Variants in SOS1 observed in about 807,000 individuals in gnomAD.
SOS1 encodes SOS Ras/Rac guanine nucleotide exchange factor 1.
Under a neutral mutation model 157.6 loss-of-function variants are expected in SOS1, and 25 were observed. The ratio of observed to expected loss-of-function variants is 0.16; its 90% CI spans 0.12 to 0.22. The LOEUF is 0.22. Ranked by LOEUF, SOS1 falls within the 10% of genes least tolerant of loss-of-function variation. The pLI, the probability that SOS1 is intolerant of heterozygous loss-of-function variation, is 1.00. For synonymous variants in SOS1, 528 were observed against 534.0 expected (o/e 0.99, Z 0.16); for missense variants, 1,237 against 1,599.1 (o/e 0.77, Z 3.86).
chr2:39,049,005 C>T (rs758454221), intron 6 of SOS1, among the ~76,000 whole-genome samples: 1 of 152,096 alleles, frequency 6.6e-6, no homozygotes, highest in Non-Finnish European at 1.5e-5. Context: ...GCAGTCTCCA[C>T]CTCCTGGGTT....
At chr2:39,087,109 T>C (rs1672404735) in intron 1 of SOS1, among the ~76,000 whole-genome samples, 1 of 152,190 alleles carries the variant, frequency 6.6e-6, no homozygotes, top group Non-Finnish European at 1.5e-5. Flanking sequence ...CCACTGCATC[T>C]GGTGACAGTT....
At chr2:39,071,420 C>T (rs990997857) in intron 1 of SOS1, among the ~76,000 whole-genome samples, 6 of 152,114 alleles carry the variant, frequency 3.9e-5, no homozygotes, top group Non-Finnish European at 5.9e-5. Context: ...AAACATCTAT[C>T]TCATGTCATA....
chr2:39,117,702 T>A (rs1260403236), intron 1 of SOS1, among the ~76,000 whole-genome samples: 2 of 152,164 alleles, frequency 1.3e-5, no homozygotes, highest in African/African-American at 4.8e-5. Flanking sequence ...TGGGGGCCAG[T>A]GAACCCCATT....
At chr2:38,991,313 T>G (rs559853902) in intron 20 of SOS1, among the ~76,000 whole-genome samples, 1 of 152,312 alleles carries the variant, frequency 6.6e-6, no homozygotes, top group Non-Finnish European at 1.5e-5. Context: ...ACTCATCACC[T>G]ACAGCAATCT....
intron 6 of SOS1, among the ~76,000 whole-genome samples, chr2:39,047,625 C>T (rs1040914743): frequency 1.3e-5 from 2 of 152,100 alleles, no homozygotes; most frequent in African/African-American, 4.8e-5. Context: ...CAAAAAAACC[C>T]TGAAGTTTTA....
chr2:39,116,748 G>C (rs1572904276), intron 1 of SOS1, among the ~76,000 whole-genome samples: 3 of 152,108 alleles, frequency 2.0e-5, no homozygotes, highest in Non-Finnish European at 4.4e-5. Flanking sequence ...AGTCTCAGGA[G>C]GCTGAGGTGG....
At chr2:39,029,707 C>T (rs1670091160) in intron 8 of SOS1, among the ~76,000 whole-genome samples, 1 of 152,134 alleles carries the variant, frequency 6.6e-6, no homozygotes, top group Non-Finnish European at 1.5e-5. Context: ...CAATAGTTAG[C>T]TGTTTGTTTA....
chr2:39,124,495 G>A (rs1442369250), upstream of SOS1: 1 of 152,322 alleles, frequency 6.6e-6, no homozygotes, highest in Non-Finnish European at 1.5e-5. Flanking sequence ...AGGGCGGCGA[G>A]GACGGGGGCG....
Position 39,012,355 on chromosome 2 carries a change from T to A in SOS1, c.2168-7A>T. Reference sequence around the variant, plus strand: ...CATTTTTTCATTGCTTTACCTGCAATACATTATATTTTAAATAACATTTAA... The same window carrying A: ...CATTTTTTCATTGCTTTACCTGCAAAACATTATATTTTAAATAACATTTAA... On this transcript the variant is annotated splice_polypyrimidine_tract_variant and splice_region_variant and intron_variant, in intron 13 of 22. Transcript: ENST00000402219. The A allele has an allele frequency of 1.5e-6, 2 of 1,354,782 alleles. No individual in the cohort carries two copies. The highest frequency in any genetic ancestry group is 2.1e-6 in the Non-Finnish European group (2 of 957,572). The allele number at this position is 1,354,782 out of a possible 1,614,324, so 83.9% of individuals were successfully genotyped here. A position where few individuals can be genotyped will look rare whatever the true frequency, so the allele number is the denominator to read the frequency against.
In SOS1 at chr2:39,006,536, G is replaced by A. The variant is rs1015610936; in HGVS notation, c.2674-7C>T. The A allele has an allele frequency of 1.4e-6, 2 of 1,438,046 alleles. No homozygotes were observed. Among genetic ancestry groups the A allele is most frequent in the Middle Eastern group, 1.8e-4 (1 of 5,684 alleles). The allele number at this position is 1,438,046 out of a possible 1,614,324, so 89.1% of individuals were successfully genotyped here. A position where few individuals can be genotyped will look rare whatever the true frequency, so the allele number is the denominator to read the frequency against. ...TCTGGCGACTTGGTATTTGCTATAAGGAAAAAAAATAGGCGTAAGTTTACA... is the reference window on the plus strand; with the variant it reads ...TCTGGCGACTTGGTATTTGCTATAAAGAAAAAAAATAGGCGTAAGTTTACA... On this transcript the variant is annotated splice_region_variant and splice_polypyrimidine_tract_variant and intron_variant, in intron 16 of 22. Transcript: ENST00000402219.
Position 39,007,127 on chromosome 2 carries a change from T to C in SOS1, c.2577A>G (p.Leu859=). Residue 859 remains leucine (L), a synonymous_variant, in exon 16 of 23, where the codon CTA becomes CTG. Coordinates refer to ENST00000402219, the MANE Select transcript of SOS1 (RefSeq NM_005633.4). The part of the protein sequence containing the change: ...VAVVSRIIEI[L]QVFQELNNFN... ...AGTTGTTCAACTCTTGAAAGACTTGTAGAATCTCAATAATTCGACTCACCA... is the reference window on the plus strand; with the variant it reads ...AGTTGTTCAACTCTTGAAAGACTTGCAGAATCTCAATAATTCGACTCACCA... 2 of 1,604,808 alleles carry C rather than the reference T, an allele frequency of 1.2e-6. No individual in the cohort carries two copies. Among genetic ancestry groups the C allele is most frequent in the Non-Finnish European group, 1.7e-6 (2 of 1,171,610 alleles).
At chr2:39,084,845 G>C (rs149994436) in intron 1 of SOS1, among the ~76,000 whole-genome samples, 2 of 152,198 alleles carry the variant, frequency 1.3e-5, no homozygotes, top group Admixed American at 6.5e-5. Context: ...TGTGATAACA[G>C]AGTTCCCACC....
intron 5 of SOS1, among the ~76,000 whole-genome samples, chr2:39,054,331 AAACAT>A (rs1671132257): frequency 6.6e-6 from 1 of 152,252 alleles, no homozygotes; most frequent in Non-Finnish European, 1.5e-5. Flanking sequence ...TGACTCAAAC[AAACAT>A]ATCTTCCACC....
intron 1 of SOS1, among the ~76,000 whole-genome samples, chr2:39,076,904 G>A (rs1229969575): frequency 6.6e-6 from 1 of 152,148 alleles, no homozygotes; most frequent in African/African-American, 2.4e-5. Context: ...GAGTTAATAA[G>A]TGAGTTTAGT....
At position 39,022,941 on chromosome 2, in the gene SOS1, A is replaced by C; in HGVS notation, c.1487T>G (p.Met496Arg). Residue 496 changes from methionine (M) to arginine (R), a missense_variant, in exon 10 of 23, where the codon ATG becomes AGG. Met to Arg is a moderately conservative substitution (Grantham distance 91, BLOSUM62 -1). This residue lies in a region of SOS1 where 210 missense variants were observed against 220.2 expected (regional missense o/e 0.95). Coordinates refer to ENST00000402219, the MANE Select transcript of SOS1 (RefSeq NM_005633.4). ...AEYRLKEKFF[M>R]RKVQINDKDD... Reference sequence around the variant, plus strand: ...TTTATCATTAATTTGTACCTTTCGCATAAAAAACTTTTCTTTAAGACGATA... The same window carrying C: ...TTTATCATTAATTTGTACCTTTCGCCTAAAAAACTTTTCTTTAAGACGATA... 6.2e-7 allele frequency: 1 copy of C among 1,613,694 alleles called. No homozygotes were observed. The highest frequency in any genetic ancestry group is 1.7e-5 in the Admixed American group (1 of 59,992).
chr2:39,100,890 G>C (rs1418125793), intron 1 of SOS1, among the ~76,000 whole-genome samples: 1 of 152,188 alleles, frequency 6.6e-6, no homozygotes, highest in Non-Finnish European at 1.5e-5. Flanking sequence ...CTGCACTCCA[G>C]CTTGGGCAAC....
intron 1 of SOS1, among the ~76,000 whole-genome samples, chr2:39,102,814 G>A (rs1400394481): frequency 6.6e-6 from 1 of 152,080 alleles, no homozygotes; most frequent in Non-Finnish European, 1.5e-5. Context: ...GTGATGTGTG[G>A]TGTGGTGGCA....
chr2:39,120,160 T>G (rs1429342917), intron 1 of SOS1, among the ~76,000 whole-genome samples, 176 bp downstream of exon 1: 2 of 151,888 alleles, frequency 1.3e-5, no homozygotes, highest in Admixed American at 1.3e-4. Flanking sequence ...ACCCGGTGGA[T>G]GTCAACACCG....
chr2:39,005,283 T>C (rs1175927467), intron 17 of SOS1, among the ~76,000 whole-genome samples: 5 of 152,146 alleles, frequency 3.3e-5, no homozygotes, highest in Non-Finnish European at 7.4e-5. Flanking sequence ...ACCGTGGAGA[T>C]GGGAGCACTA....
Sources: allele counts gnomAD v4.1 joint callset (sites outside exome capture counted in the v4.1 genomes callset), GRCh38; gene constraint gnomAD v4.1.1; regional missense constraint gnomAD v4.1.1; transcripts MANE v1.5; gene names NCBI Gene and HGNC (gene_info 2026-07-23, HGNC 2026-07-21).